SSPN: variants seen among roughly 807,000 people sequenced by gnomAD.
SSPN encodes K-ras oncogene-associated protein.
A neutral mutation model predicts 19.1 loss-of-function variants in SSPN; 15 were observed. The observed-to-expected ratio is 0.78, with a 90% CI of 0.52 to 1.21. SSPN has a LOEUF of 1.21. Among genes scored for constraint, SSPN ranks in the 50% most tolerant of loss-of-function variants. The pLI is 0.00. For missense variants in SSPN, 291 were observed against 314.0 expected, an observed-to-expected ratio of 0.93 and a Z score of 0.55; for synonymous variants, 147 against 140.3, an observed-to-expected ratio of 1.05 and a Z score of -0.34.
At chr12:26,122,451 G>T (rs1257684876) in intron 1 of SSPN, 4 of 1,358,420 alleles carry the variant, frequency 2.9e-6, no homozygotes, top group Non-Finnish European at 3.8e-6. Context: ...TGCAGAAGGC[G>T]AGAGGAAGCA....
chr12:26,165,791 A>G (rs769218093), intron 1 of SSPN, among the ~76,000 whole-genome samples: 2 of 152,240 alleles, frequency 1.3e-5, no homozygotes, highest in African/African-American at 2.4e-5. Flanking sequence ...GGATTAACGT[A>G]ATAATTGTCT....
rs557511162 is a variant in SSPN at position 26,123,551 on chromosome 12, G to T, written c.-31+1399G>T. The T allele has an allele frequency of 9.3e-6, 9 of 969,996 alleles. No homozygotes were observed. The African/African-American group carries it at 1.1e-4, about 12-fold the overall frequency. 60.1% of individuals were successfully genotyped at this position (969,996 alleles called of 1,614,324 possible). On this transcript the variant is annotated intron_variant, in intron 1 of 2. Transcript: ENST00000538142. ...AGCCCACGGAAAGAGATGGGGTGCG[G>T]GTGAGGGAGTCCTGACACTGCTCCC...
intron 1 of SSPN, among the ~76,000 whole-genome samples, chr12:26,222,796 C>T (rs1021791772): frequency 2.0e-5 from 3 of 152,190 alleles, no homozygotes; most frequent in Non-Finnish European, 4.4e-5. Context: ...TGCCTCAAAG[C>T]TGCTGTTTCT....
chr12:26,201,048 A>ATATATATATATATATATATATAT (rs1944880110), intron 1 of SSPN, among the ~76,000 whole-genome samples: 1 of 68,364 alleles, frequency 1.5e-5, no homozygotes, highest in African/African-American at 6.4e-5. Context: ...TATATATATT[A>ATATATATATATATATATATATAT]TATATATATA....
Position 26,224,320 on chromosome 12 carries a change from T to C in SSPN, c.307T>C (p.Phe103Leu). The C allele has an allele frequency of 1.2e-6, 2 of 1,614,042 alleles. No individual in the cohort carries two copies. The highest frequency in any genetic ancestry group is 2.2e-5 in the East Asian group (1 of 44,870). Residue 103 changes from phenylalanine (F) to leucine (L), a missense_variant, in exon 2 of 3, where the codon TTT becomes CTT. Phe to Leu is a conservative substitution (Grantham distance 22). This residue lies in a region of SSPN where 11 missense variants were observed against 27.7 expected (regional missense o/e 0.40). Coordinates refer to ENST00000242729, the MANE Select transcript of SSPN (RefSeq NM_005086.5). ...CTGCTTAGTGGCCTATCTTGGCTTGTTTATGCTTTGTGTCTCATATCAGGT... is the reference window on the plus strand; with the variant it reads ...CTGCTTAGTGGCCTATCTTGGCTTGCTTATGCTTTGTGTCTCATATCAGGT... Reference protein sequence around the residue: ...IVCLVAYLGLFMLCVSYQVDE... With the variant: ...IVCLVAYLGLLMLCVSYQVDE...
At chr12:26,162,894 G>A (rs1944597613) in intron 1 of SSPN, among the ~76,000 whole-genome samples, 1 of 152,188 alleles carries the variant, frequency 6.6e-6, no homozygotes, top group African/African-American at 2.4e-5. Context: ...GCCTGAAAAA[G>A]TATATGAATA....
At chr12:26,223,674 A>G (rs959841332) in intron 1 of SSPN, among the ~76,000 whole-genome samples, 6 of 152,206 alleles carry the variant, frequency 3.9e-5, no homozygotes, top group African/African-American at 1.2e-4. Context: ...TTTCTTACTT[A>G]CAATATGAGA....
chr12:26,146,166 C>T (rs1431147115), intron 1 of SSPN, among the ~76,000 whole-genome samples: 1 of 152,200 alleles, frequency 6.6e-6, no homozygotes, highest in African/African-American at 2.4e-5. Flanking sequence ...CAAAGTGGGG[C>T]AGGTGGTGGT....
intron 1 of SSPN, among the ~76,000 whole-genome samples, chr12:26,136,583 T>A (rs1591844594): frequency 6.6e-6 from 1 of 152,326 alleles, no homozygotes; most frequent in East Asian, 1.9e-4. Context: ...GCTGCTTGGT[T>A]AAAATTATGA....
intron 1 of SSPN, among the ~76,000 whole-genome samples, chr12:26,136,439 C>T (rs1361901403): frequency 6.6e-6 from 1 of 152,124 alleles, no homozygotes; most frequent in Non-Finnish European, 1.5e-5. Context: ...ATGAATGAGT[C>T]GGTTATCTCA....
intron 1 of SSPN, among the ~76,000 whole-genome samples, chr12:26,161,939 C>A (rs887000597): frequency 6.6e-6 from 1 of 152,218 alleles, no homozygotes; most frequent in Admixed American, 6.5e-5. Context: ...CCATGCTGTG[C>A]GGCCCAGTTC....
At chr12:26,228,830 T>C (rs113632103) in intron 2 of SSPN, among the ~76,000 whole-genome samples, 3,162 of 152,184 alleles carry the variant, frequency 0.021, 104 homozygotes, top group African/African-American at 0.072. Flanking sequence ...AAACTCCAAT[T>C]TTTGCATAAA....
At chr12:26,220,790 A>C (rs1306726036) in intron 1 of SSPN, among the ~76,000 whole-genome samples, 1 of 151,828 alleles carries the variant, frequency 6.6e-6, no homozygotes, top group African/African-American at 2.4e-5. Flanking sequence ...CACCTTCCTG[A>C]TCTCTCCCTC....
intron 1 of SSPN, among the ~76,000 whole-genome samples, chr12:26,127,994 C>G (rs904052621): frequency 1.3e-5 from 2 of 152,206 alleles, no homozygotes; most frequent in African/African-American, 4.8e-5. Context: ...CCACAACCCT[C>G]TAAGGTAGAT....
chr12:26,152,782 T>C (rs1944533084), intron 1 of SSPN, among the ~76,000 whole-genome samples: 1 of 152,214 alleles, frequency 6.6e-6, no homozygotes, highest in Non-Finnish European at 1.5e-5. Context: ...TCTTAAACCC[T>C]TCAACGTCTT....
At chr12:26,223,467 C>A (rs904655301) in intron 1 of SSPN, among the ~76,000 whole-genome samples, 2 of 152,148 alleles carry the variant, frequency 1.3e-5, no homozygotes, top group African/African-American at 4.8e-5. Context: ...GCCTCGGCCT[C>A]CCGAAGTGTT....
intron 1 of SSPN, among the ~76,000 whole-genome samples, chr12:26,157,982 T>C (rs1439480146): frequency 6.6e-6 from 1 of 152,126 alleles, no homozygotes; most frequent in East Asian, 1.9e-4. Context: ...AAAGTAATCA[T>C]AAAGAAGCAA....
chr12:26,131,257 C>T lies in SSPN; in HGVS notation c.-31+9105C>T, dbSNP rs1471862621. Among the ~76,000 whole-genome samples the T allele has an allele frequency of 2.0e-5, 3 of 152,216 alleles. No individual in the cohort carries two copies. The East Asian group carries it at 5.8e-4, about 29-fold the overall frequency. Reference sequence around the variant, plus strand: ...AACTCCTTAAGCACATGGTCCTTAACGTCTGTATTTTTAAGTTCTAATAAT... The same window carrying T: ...AACTCCTTAAGCACATGGTCCTTAATGTCTGTATTTTTAAGTTCTAATAAT... On this transcript the variant is annotated intron_variant, in intron 1 of 2. Coordinates refer to the SSPN transcript ENST00000538142.
chr12:26,152,169 A>G (rs979586728), intron 1 of SSPN, among the ~76,000 whole-genome samples: 4 of 152,290 alleles, frequency 2.6e-5, no homozygotes, highest in Non-Finnish European at 4.4e-5. Flanking sequence ...GCTCTTTTCC[A>G]TGGTGTAAAT....
Sources: gnomAD v4.1 joint callset for allele counts (sites outside exome capture counted in the v4.1 genomes callset) on GRCh38, gnomAD v4.1.1 for gene constraint, gnomAD v4.1.1 regional missense constraint, MANE v1.5 for transcripts, NCBI Gene and HGNC (gene_info 2026-07-23, HGNC 2026-07-21) for gene names.